Variants in ENAH observed in about 807,000 individuals in gnomAD.
ENAH encodes the protein ENAH actin regulator.
Under a neutral mutation model 78.7 loss-of-function variants are expected in ENAH, and 23 were observed. That is an observed-to-expected ratio of 0.29 (90% CI 0.21 to 0.41). The LOEUF is 0.41. Among genes scored for constraint, ENAH ranks in the 10% least tolerant of loss-of-function variants. ENAH has a pLI of 1.00. For missense variants in ENAH, 544 were observed against 691.0 expected (o/e 0.79, Z 2.39); for synonymous variants, 226 against 241.0 (o/e 0.94, Z 0.58).
At chr1:225,547,292 G>A (rs576066544) in intron 3 of ENAH, among the ~76,000 whole-genome samples, 3 of 152,016 alleles carry the variant, frequency 2.0e-5, no homozygotes, top group African/African-American at 4.8e-5. Flanking sequence ...GGCTGGTCTC[G>A]AACTCCTGAC....
At position 225,615,949 on chromosome 1, in the gene ENAH, A is replaced by G. The variant is rs2097028766; in HGVS notation, c.5+36737T>C. ...TTGTTACTGTGTCTGTGTAGAAAGA[A>G]GCAGACATAGGAGACTCCATTTTGT... On this transcript the variant is annotated intron_variant, in intron 1 of 13. Transcript: ENST00000366843. 2.0e-5 allele frequency among the ~76,000 whole-genome samples: 3 copies of G among 152,372 alleles called. No homozygotes were observed. The South Asian group carries it at 6.2e-4, about 32-fold the overall frequency.
intron 1 of ENAH, among the ~76,000 whole-genome samples, chr1:225,604,131 T>C (rs944865032): frequency 6.6e-6 from 1 of 152,224 alleles, no homozygotes; most frequent in African/African-American, 2.4e-5. Flanking sequence ...AATAACACTG[T>C]CATTCTACTA....
Position 225,492,742 on chromosome 1 carries a change from G to A in ENAH, c.*5033C>T, listed in dbSNP as rs151325287. ...TCACAGAGTATCTGTAACGGGGACA[G>A]TCCTATTTCCCTTTCTCAATTTTCA... On this transcript the variant is annotated 3_prime_UTR_variant, in exon 14 of 14. Transcript: ENST00000366843. 1.6e-3 allele frequency: 250 copies of A among 152,328 alleles called. 1 individual carries two copies. Among genetic ancestry groups the A allele is most frequent in the African/African-American group, 5.6e-3 (231 of 41,578 alleles). 9.4% of individuals were successfully genotyped at this position (152,328 alleles called of 1,614,324 possible).
In ENAH at chr1:225,641,595, G is replaced by A. The variant is rs1184788359; in HGVS notation, c.5+11091C>T. Among the ~76,000 whole-genome samples the A allele has an allele frequency of 4.6e-5, 7 of 151,546 alleles. No individual in the cohort carries two copies. The East Asian group carries it at 5.8e-4, about 13-fold the overall frequency. On this transcript the variant is annotated intron_variant, in intron 1 of 13. Transcript: ENST00000366843. ...AAAGAATGGAAAACTCAGTATTACC[G>A]AAGATACAAGGCTGAACATGGTGGC...
At chr1:225,536,759 T>C (rs1260024721) in intron 3 of ENAH, among the ~76,000 whole-genome samples, 1 of 151,952 alleles carries the variant, frequency 6.6e-6, no homozygotes, top group Non-Finnish European at 1.5e-5. Flanking sequence ...AATCCAATTG[T>C]CTTGCTTTGA....
At chr1:225,595,270 T>G (rs1575653498) in intron 1 of ENAH, among the ~76,000 whole-genome samples, 1 of 151,554 alleles carries the variant, frequency 6.6e-6, no homozygotes. Context: ...GAGGCGGAGG[T>G]TGCAGTGAGC....
chr1:225,602,726 G>GGCCAAA (rs1387444422), intron 1 of ENAH, among the ~76,000 whole-genome samples: 3 of 152,042 alleles, frequency 2.0e-5, no homozygotes, highest in African/African-American at 4.8e-5. Flanking sequence ...GTGCCAGACT[G>GGCCAAA]GCCAACACTG....
rs1270402080 is a variant in ENAH at position 225,539,285 on chromosome 1, A to C, written c.350-8647T>G. Among the ~76,000 whole-genome samples the C allele has an allele frequency of 2.6e-5, 4 of 152,324 alleles. No individual in the cohort carries two copies. The East Asian group carries it at 7.7e-4, about 29-fold the overall frequency. On this transcript the variant is annotated intron_variant, in intron 3 of 13. Transcript: ENST00000366843. ...TAGTCATGTTCAGGGTGGGGCAACAAGTATCCCAGAAGCTTAACATACATC... is the reference window on the plus strand; with the variant it reads ...TAGTCATGTTCAGGGTGGGGCAACACGTATCCCAGAAGCTTAACATACATC...
chr1:225,640,048 G>A (rs1368644195), intron 1 of ENAH, among the ~76,000 whole-genome samples: 1 of 152,142 alleles, frequency 6.6e-6, no homozygotes, highest in Non-Finnish European at 1.5e-5. Flanking sequence ...TAACAAAGAT[G>A]AGATTACCAG....
At chr1:225,587,526 T>C (rs1197665566) in intron 1 of ENAH, among the ~76,000 whole-genome samples, 3 of 152,196 alleles carry the variant, frequency 2.0e-5, no homozygotes, top group African/African-American at 7.2e-5. Context: ...CTTAAACATA[T>C]ACAATGTTCA....
chr1:225,617,471 T>C (rs1303984002), intron 1 of ENAH, among the ~76,000 whole-genome samples: 1 of 152,144 alleles, frequency 6.6e-6, no homozygotes, highest in Non-Finnish European at 1.5e-5. Flanking sequence ...TACATAAAGG[T>C]CAGCATAAAC....
At chr1:225,522,262 C>T (rs1167468930) in intron 4 of ENAH, among the ~76,000 whole-genome samples, 1 of 152,152 alleles carries the variant, frequency 6.6e-6, no homozygotes, top group African/African-American at 2.4e-5. Flanking sequence ...AATCTCTCTC[C>T]TTCATGTTTC....
At chr1:225,534,992 C>A (rs745424780) in intron 3 of ENAH, among the ~76,000 whole-genome samples, 3 of 152,104 alleles carry the variant, frequency 2.0e-5, no homozygotes, top group African/African-American at 7.2e-5. Context: ...TCACAGATTT[C>A]TAACCTACTG....
intron 10 of ENAH, among the ~76,000 whole-genome samples, chr1:225,510,827 C>A (rs1381916473): frequency 6.6e-6 from 1 of 151,404 alleles, no homozygotes; most frequent in East Asian, 1.9e-4. Flanking sequence ...GCCTGGGCAA[C>A]ATGGTGAAAC....
At chr1:225,583,452 A>AG (rs1424175086) in intron 1 of ENAH, among the ~76,000 whole-genome samples, 2,303 of 148,608 alleles carry the variant, frequency 0.015, 28 homozygotes, top group Non-Finnish European at 0.026. Flanking sequence ...AAAAAAAAAA[A>AG]AGAGAGAGAG....
chr1:225,593,398 T>G (rs1447652839), intron 1 of ENAH, among the ~76,000 whole-genome samples: 3 of 2,402 alleles, frequency 1.2e-3, no homozygotes, highest in East Asian at 0.029. Flanking sequence ...CCTGTGTGTG[T>G]GTGGGGGGGG....
intron 6 of ENAH, chr1:225,515,268 C>A: frequency 5.1e-6 from 1 of 197,992 alleles, no homozygotes; most frequent in Non-Finnish European, 1.0e-5. Flanking sequence ...GCAGTTAGTA[C>A]TACTTGAAAT....
chr1:225,519,446 C>T lies in ENAH; in HGVS notation c.554G>A (p.Arg185Gln), dbSNP rs556392778. The change falls in exon 5 of 14, where the codon CGA (arginine) becomes CAA (glutamine). Residue 185 changes from arginine to glutamine, a missense_variant. Around this residue, in one of 4 missense-constraint regions of ENAH, gnomAD observed 366 missense variants for 396.1 expected, o/e 0.92. Transcript: ENST00000366843. ...TCTCTCCAGCTGTTCTTGTTCCAGT[C>T]GCTCCCTCTCCAGCCTTTCCCTTTC... Reference protein sequence around the residue: ...RLERERLERERLEQEQLERER... With the variant: ...RLERERLEREQLEQEQLERER... 38 of 1,613,118 alleles carry T rather than the reference C, an allele frequency of 2.4e-5. No homozygotes were observed. The highest frequency in any genetic ancestry group is 4.0e-5 in the African/African-American group (3 of 75,010).
At chr1:225,619,401 G>C (rs1326742451) in intron 1 of ENAH, among the ~76,000 whole-genome samples, 1 of 152,170 alleles carries the variant, frequency 6.6e-6, no homozygotes, top group East Asian at 1.9e-4. Flanking sequence ...AAAATTAGCT[G>C]GGCATGGTGG....
Sources: gnomAD v4.1 joint callset for allele counts (sites outside exome capture counted in the v4.1 genomes callset) on GRCh38, gnomAD v4.1.1 for gene constraint, gnomAD v4.1.1 regional missense constraint, MANE v1.5 for transcripts, NCBI Gene and HGNC (gene_info 2026-07-23, HGNC 2026-07-21) for gene names.